SLBP: variants seen among roughly 807,000 people sequenced by gnomAD.
The protein encoded by SLBP is stem-loop histone mRNA binding protein.
SLBP carries 29 observed loss-of-function variants against 39.2 expected under a neutral mutation model. The ratio of observed to expected loss-of-function variants is 0.74; its 90% confidence interval spans 0.55 to 1.01. SLBP has a LOEUF of 1.01. Among genes scored for constraint, SLBP ranks in the 50% least tolerant of loss-of-function variants. The pLI is 0.00. For missense variants in SLBP, 390 were observed against 350.2 expected (o/e 1.11, Z -0.91); for synonymous variants, 129 against 118.7 (o/e 1.09, Z -0.57).
At chr4:1,708,648 C>A (rs1369542848) in intron 2 of SLBP, among the ~76,000 whole-genome samples, 1 of 152,174 alleles carries the variant, frequency 6.6e-6, no homozygotes, top group Non-Finnish European at 1.5e-5. Context: ...TACTACATGC[C>A]ATATTTTGGT....
intron 2 of SLBP, among the ~76,000 whole-genome samples, chr4:1,710,954 G>C (rs1052412206): frequency 2.0e-5 from 3 of 151,506 alleles, no homozygotes; most frequent in African/African-American, 7.3e-5. Context: ...GGGAGGCTGA[G>C]GCAGGAGAAT....
intron 3 of SLBP, among the ~76,000 whole-genome samples, chr4:1,701,193 T>A (rs1423941612): frequency 1.4e-5 from 2 of 143,804 alleles, no homozygotes; most frequent in East Asian, 4.4e-4. Flanking sequence ...TTGCCCAGAC[T>A]GGAGTGCAAT....
chr4:1,709,064 T>C lies in SLBP; in HGVS notation c.176+2810A>G, dbSNP rs564574069. 9.4e-5 allele frequency among the ~76,000 whole-genome samples: 14 copies of C among 149,296 alleles called. 1 individual carries two copies. In the South Asian group the frequency reaches 2.8e-3, roughly 29 times the overall value. ...GTACCCACCCGTAGACCCAAGTCTT[T>C]TGTCTTTTTTTTTTTTTTGAGACAG... is the stretch of plus-strand genomic sequence containing the variant. On this transcript the variant is annotated intron_variant, in intron 2 of 7. Transcript: ENST00000489418.
At chr4:1,697,155 C>A (rs532836608) in intron 5 of SLBP, among the ~76,000 whole-genome samples, 108 of 113,664 alleles carry the variant, frequency 9.5e-4, no homozygotes, top group Non-Finnish European at 1.7e-3. Flanking sequence ...CAAGACTCCA[C>A]CTTAAAAAAA....
intron 3 of SLBP, among the ~76,000 whole-genome samples, chr4:1,701,146 C>CTTTTTTTT (rs369039404): frequency 5.7e-5 from 7 of 123,674 alleles, no homozygotes; most frequent in East Asian, 2.4e-4. Flanking sequence ...TCTTTTTTTT[C>CTTTTTTTT]TTTTTTTTTT....
chr4:1,700,712 G>A (rs538665579), intron 3 of SLBP, among the ~76,000 whole-genome samples: 7 of 151,966 alleles, frequency 4.6e-5, no homozygotes, highest in South Asian at 4.2e-4. Context: ...GGCAAGTGCC[G>A]CCACAACCAT....
chr4:1,699,972 T>G (rs1716262747), intron 4 of SLBP, 39 bp downstream of exon 4: 1 of 1,387,004 alleles, frequency 7.2e-7, no homozygotes, highest in Non-Finnish European at 1.0e-6. Context: ...AAATTACAGG[T>G]CTATCAAATT....
intron 2 of SLBP, 101 bp from the exon 3 acceptor site, chr4:1,703,801 T>C (rs2108661916): frequency 1.1e-6 from 1 of 872,524 alleles, no homozygotes; most frequent in Non-Finnish European, 1.9e-6. Flanking sequence ...CACAGTGGCT[T>C]GTGCCTGTAA....
chr4:1,710,201 A>G (rs529037399), intron 2 of SLBP, among the ~76,000 whole-genome samples: 10 of 152,264 alleles, frequency 6.6e-5, no homozygotes, highest in African/African-American at 2.4e-4. Context: ...GTCTCTAAAT[A>G]TCATCTCTAT....
chr4:1,703,820 C>T, intron 2 of SLBP, 120 bp from the exon 3 acceptor site: 1 of 734,064 alleles, frequency 1.4e-6, no homozygotes, highest in Non-Finnish European at 2.4e-6. Flanking sequence ...AATACCAGCA[C>T]TTTGGAAACT....
chr4:1,705,210 A>C (rs1716474124), intron 2 of SLBP, among the ~76,000 whole-genome samples: 2 of 152,072 alleles, frequency 1.3e-5, no homozygotes, highest in South Asian at 4.1e-4. Context: ...TATAGCTGTG[A>C]GCCACCGTAC....
chr4:1,708,925 T>C (rs1716625633), intron 2 of SLBP, among the ~76,000 whole-genome samples: 2 of 152,206 alleles, frequency 1.3e-5, no homozygotes, highest in African/African-American at 2.4e-5. Flanking sequence ...TCTAAAGCAC[T>C]GTAAGGATTT....
intron 2 of SLBP, among the ~76,000 whole-genome samples, chr4:1,710,049 G>A (rs78364480): frequency 0.12 from 17,945 of 151,996 alleles, 1,474 homozygotes; most frequent in Non-Finnish European, 0.18. Flanking sequence ...GGTAAGTGTC[G>A]AGGCTGGTCC....
chr4:1,701,068 C>T (rs1387345132), intron 3 of SLBP, among the ~76,000 whole-genome samples: 1 of 151,976 alleles, frequency 6.6e-6, no homozygotes, highest in Non-Finnish European at 1.5e-5. Flanking sequence ...TCATTTGCTG[C>T]AGGGCCTCAT....
At chr4:1,695,709 A>G (rs1266346666) in intron 6 of SLBP, among the ~76,000 whole-genome samples, 1 of 151,992 alleles carries the variant, frequency 6.6e-6, no homozygotes, top group East Asian at 1.9e-4. Context: ...TGAACCCAGA[A>G]GGTGAAGGTT....
chr4:1,711,823 C>T (rs968688526), intron 2 of SLBP, 51 bp downstream of exon 2: 15 of 996,986 alleles, frequency 1.5e-5, no homozygotes, highest in Non-Finnish European at 2.0e-5. Flanking sequence ...CTGGAGCCCG[C>T]GGCCTCGTCA....
intron 5 of SLBP, among the ~76,000 whole-genome samples, chr4:1,699,219 ATT>A (rs903840706): frequency 6.6e-6 from 1 of 151,788 alleles, no homozygotes; most frequent in Non-Finnish European, 1.5e-5. Context: ...GGCAATGCCA[ATT>A]TTTTTTTCTC....
rs1393501545 is a variant in SLBP at position 1,693,346 on chromosome 4, A to T, written c.*251T>A. On this transcript the variant is annotated 3_prime_UTR_variant, in exon 8 of 8. Transcript: ENST00000489418. ...GAGGACAACAGGGATTACGCAATTA[A>T]GCTCGCTGGAAGAGAGCTTCAAGTA... is the stretch of plus-strand genomic sequence containing the variant. The T allele has an allele frequency of 2.6e-6, 1 of 382,512 alleles. No individual in the cohort carries two copies. The highest frequency in any genetic ancestry group is 2.0e-5 in the African/African-American group (1 of 49,076). The allele number at this position is 382,512 out of a possible 1,614,324, so 23.7% of individuals were successfully genotyped here.
intron 5 of SLBP, among the ~76,000 whole-genome samples, chr4:1,698,566 C>T (rs1300973174): frequency 6.9e-6 from 1 of 144,452 alleles, no homozygotes; most frequent in Non-Finnish European, 1.5e-5. Context: ...CTCACTGCAA[C>T]CTCCTCCTCC....
Sources: gnomAD v4.1 joint callset for allele counts (sites outside exome capture counted in the v4.1 genomes callset) on GRCh38, gnomAD v4.1.1 for gene constraint, MANE v1.5 for transcripts, NCBI Gene and HGNC (gene_info 2026-07-23, HGNC 2026-07-21) for gene names.